The following SESTD1 variants were observed in gnomAD, a reference collection of about 807,000 sequenced individuals.
SESTD1 encodes the protein SEC14 domain and spectrin repeat-containing protein 1.
A neutral mutation model predicts 101.7 loss-of-function variants in SESTD1; 43 were observed. That is an observed-to-expected ratio of 0.42 (90% confidence interval 0.33 to 0.55). SESTD1 has a LOEUF of 0.55. SESTD1 is among the 20% of genes least tolerant of loss of function. The pLI is 0.07. For missense variants in SESTD1, 647 were observed against 815.1 expected (o/e 0.79, Z 2.51); for synonymous variants, 283 against 286.8 (o/e 0.99, Z 0.13).
intron 1 of SESTD1, among the ~76,000 whole-genome samples, chr2:179,234,639 C>T (rs1313577928): frequency 1.3e-5 from 2 of 151,852 alleles, no homozygotes; most frequent in African/African-American, 2.4e-5. Context: ...GTATACATCA[C>T]CAGTAAAGGA....
intron 1 of SESTD1, among the ~76,000 whole-genome samples, chr2:179,225,503 G>C (rs1159083892): frequency 5.9e-5 from 9 of 152,006 alleles, no homozygotes. Flanking sequence ...AAATATGTCT[G>C]GGTATTTTAA....
At chr2:179,133,698 C>T (rs2045066822) in intron 9 of SESTD1, among the ~76,000 whole-genome samples, 3 of 152,082 alleles carry the variant, frequency 2.0e-5, no homozygotes, top group African/African-American at 4.8e-5. Context: ...GTAGGCTTAA[C>T]GTAGAAAAGA....
intron 1 of SESTD1, among the ~76,000 whole-genome samples, chr2:179,221,645 T>C (rs2046817343): frequency 6.8e-6 from 1 of 147,202 alleles, no homozygotes. Context: ...GCCCCAGGCA[T>C]GGTGGCTCAT....
At chr2:179,217,537 A>G (rs1369046149) in intron 1 of SESTD1, among the ~76,000 whole-genome samples, 1 of 152,314 alleles carries the variant, frequency 6.6e-6, no homozygotes, top group African/African-American at 2.4e-5. Flanking sequence ...TGGGAGTGTA[A>G]ATTAGTTTAA....
At chr2:179,177,786 A>C (rs1387028173) in intron 3 of SESTD1, among the ~76,000 whole-genome samples, 1 of 152,264 alleles carries the variant, frequency 6.6e-6, no homozygotes, top group Non-Finnish European at 1.5e-5. Context: ...TGAAGAGTAG[A>C]AACAATCCAA....
At chr2:179,220,730 A>C (rs1177579480) in intron 1 of SESTD1, among the ~76,000 whole-genome samples, 1 of 152,176 alleles carries the variant, frequency 6.6e-6, no homozygotes, top group African/African-American at 2.4e-5. Context: ...TCCAGATTCC[A>C]ACCCCTCTTC....
chr2:179,124,535 T>C lies in SESTD1; in HGVS notation c.996A>G (p.Glu332=). 1 of 1,614,036 alleles carries C rather than the reference T, an allele frequency of 6.2e-7. No individual in the cohort carries two copies. Among genetic ancestry groups the C allele is most frequent in the Non-Finnish European group, 8.5e-7 (1 of 1,179,934 alleles). The part of the protein sequence containing the change: ...QHSEWFAVYV[E]LNQQIAALLN... ...AGAGTGCTGCAATTTGCTGATTAAGTTCCACATACACTGCAAACCATTCCT... is the reference window on the plus strand; with the variant it reads ...AGAGTGCTGCAATTTGCTGATTAAGCTCCACATACACTGCAAACCATTCCT... Residue 332 remains glutamate (E), a synonymous_variant, in exon 11 of 18, where the codon GAA becomes GAG. Coordinates refer to ENST00000428443, the MANE Select transcript of SESTD1 (RefSeq NM_178123.5).
intron 4 of SESTD1, among the ~76,000 whole-genome samples, chr2:179,174,714 G>C (rs2045981206): frequency 6.6e-6 from 1 of 152,066 alleles, no homozygotes; most frequent in Non-Finnish European, 1.5e-5. Context: ...TAATCTCAGC[G>C]ATTTGGGAGG....
At chr2:179,167,220 G>A (rs1246757713) in intron 5 of SESTD1, among the ~76,000 whole-genome samples, 1 of 152,150 alleles carries the variant, frequency 6.6e-6, no homozygotes, top group Non-Finnish European at 1.5e-5. Flanking sequence ...AAATAGAAAT[G>A]CTACAAATCA....
At chr2:179,136,733 C>G (rs2045154776) in intron 9 of SESTD1, among the ~76,000 whole-genome samples, 1 of 151,894 alleles carries the variant, frequency 6.6e-6, no homozygotes, top group Non-Finnish European at 1.5e-5. Context: ...TTAGAATAAT[C>G]TAGAAACAAA....
In SESTD1 at chr2:179,125,715, A is replaced by G. The variant is rs147016237; in HGVS notation, c.973-1157T>C. On this transcript the variant is annotated intron_variant, in intron 10 of 17. Coordinates refer to ENST00000428443, the MANE Select transcript of SESTD1 (RefSeq NM_178123.5). ...CAATCCTTTTATGTTTCTCTAGTAA[A>G]TTCACTTTCTCATTCTCATGATCAT... Among the ~76,000 whole-genome samples, 3 of 152,196 alleles carry G rather than the reference A, an allele frequency of 2.0e-5. No homozygotes were observed. The East Asian group carries it at 5.8e-4, about 29-fold the overall frequency.
chr2:179,176,171 A>G (rs1251368083), intron 4 of SESTD1, among the ~76,000 whole-genome samples: 1 of 152,214 alleles, frequency 6.6e-6, no homozygotes, highest in African/African-American at 2.4e-5. Context: ...ATGCTCACAC[A>G]TTTAAAATCA....
chr2:179,110,276 T>C lies in SESTD1; in HGVS notation c.1962-248A>G, dbSNP rs148740828. ...GATGGTATAAAGGTTATATCATGTGTAGTTATGATAATAGCAACAAATTGA... is the reference window on the plus strand; with the variant it reads ...GATGGTATAAAGGTTATATCATGTGCAGTTATGATAATAGCAACAAATTGA... On this transcript the variant is annotated intron_variant, in intron 17 of 17. Coordinates refer to ENST00000428443, the MANE Select transcript of SESTD1 (RefSeq NM_178123.5). Among the ~76,000 whole-genome samples the C allele has an allele frequency of 1.3e-4, 20 of 152,256 alleles. No individual in the cohort carries two copies. The East Asian group carries it at 3.9e-3, about 29-fold the overall frequency.
chr2:179,226,213 T>C (rs2046883167), intron 1 of SESTD1, among the ~76,000 whole-genome samples: 1 of 152,224 alleles, frequency 6.6e-6, no homozygotes, highest in South Asian at 2.1e-4. Flanking sequence ...ACTCTTAAAA[T>C]ATTCTCATAT....
chr2:179,147,358 T>G (rs35402297), intron 7 of SESTD1, among the ~76,000 whole-genome samples: 20 of 143,152 alleles, frequency 1.4e-4, no homozygotes, highest in African/African-American at 5.4e-4. Flanking sequence ...GATATGTTTG[T>G]TTTTTTGTTT....
At chr2:179,130,278 C>T (rs558676897) in intron 10 of SESTD1, among the ~76,000 whole-genome samples, 2 of 152,156 alleles carry the variant, frequency 1.3e-5, no homozygotes, top group Admixed American at 6.5e-5. Context: ...AACGTAGCTT[C>T]CCAGTTTTTT....
At chr2:179,200,725 A>G (rs1249906513) in intron 1 of SESTD1, among the ~76,000 whole-genome samples, 2 of 137,836 alleles carry the variant, frequency 1.5e-5, no homozygotes, top group Non-Finnish European at 3.1e-5. Flanking sequence ...CCATATGTAG[A>G]AAGCTGAAAC....
chr2:179,219,663 C>G (rs761861501), intron 1 of SESTD1, among the ~76,000 whole-genome samples: 12 of 152,160 alleles, frequency 7.9e-5, no homozygotes, highest in Non-Finnish European at 5.9e-5. Context: ...AAACATTATT[C>G]AACTTTAGGA....
chr2:179,116,565 A>C, intron 15 of SESTD1, 103 bp downstream of exon 15: 1 of 1,574,710 alleles, frequency 6.4e-7, no homozygotes. Context: ...CTGGAATAAC[A>C]AAACTAACCT....
Sources: allele counts gnomAD v4.1 joint callset (sites outside exome capture counted in the v4.1 genomes callset), GRCh38; gene constraint gnomAD v4.1.1; transcripts MANE v1.5; gene names NCBI Gene and HGNC (gene_info 2026-07-23, HGNC 2026-07-21).